TSPAN7: variants seen among roughly 807,000 people sequenced by gnomAD.
TSPAN7 encodes the protein tetraspanin 7, also known as tetraspanin-7.
In TSPAN7, 1 loss-of-function variant was observed where a neutral mutation model predicts 17.6. The ratio of observed to expected loss-of-function variants is 0.06; its 90% confidence interval spans 0.02 to 0.27. TSPAN7 has a LOEUF of 0.27. Among genes scored for constraint, TSPAN7 ranks in the 10% least tolerant of loss-of-function variants. The probability of loss-of-function intolerance (pLI) is 1.00; values close to 1 mark genes in which losing one functional copy is unlikely to be tolerated. For missense variants in TSPAN7, 112 were observed against 201.7 expected (o/e 0.56, Z 2.69); for synonymous variants, 78 against 79.0 (o/e 0.99, Z 0.07).
At chrX:38,608,322 T>C (rs995680316) in intron 1 of TSPAN7, 2 of 110,642 alleles carry the variant, frequency 1.8e-5, no homozygotes, top group African/African-American at 6.6e-5. Flanking sequence ...AATGGTGAGG[T>C]AACTGAACTG....
intron 5 of TSPAN7, among the ~76,000 whole-genome samples, chrX:38,679,218 T>A (rs2069874673): frequency 8.9e-6 from 1 of 111,977 alleles, no homozygotes; most frequent in Non-Finnish European, 1.9e-5. Flanking sequence ...CAGAAAAAAA[T>A]CTATGCCAAA....
intron 1 of TSPAN7, among the ~76,000 whole-genome samples, chrX:38,603,312 T>C (rs1244012375): frequency 8.9e-6 from 1 of 112,217 alleles, no homozygotes; most frequent in African/African-American, 3.2e-5. Flanking sequence ...CTGGTGGGAA[T>C]GTAAAATGCT....
At chrX:38,567,223 T>A (rs1467104833) in intron 1 of TSPAN7, among the ~76,000 whole-genome samples, 2 of 112,261 alleles carry the variant, frequency 1.8e-5, no homozygotes, top group African/African-American at 6.5e-5. Flanking sequence ...AAGCTGCTAA[T>A]AAAGACATAC....
chrX:38,660,322 A>C (rs1455495504), intron 1 of TSPAN7, among the ~76,000 whole-genome samples: 1 of 112,146 alleles, frequency 8.9e-6, no homozygotes, highest in Non-Finnish European at 1.9e-5. Context: ...TTCTTAAAAT[A>C]AGACCATAAC....
At chrX:38,636,812 A>T (rs1301885676) in intron 1 of TSPAN7, among the ~76,000 whole-genome samples, 1 of 110,746 alleles carries the variant, frequency 9.0e-6, no homozygotes, top group Non-Finnish European at 1.9e-5. Flanking sequence ...AGTAGCTGGG[A>T]TTACAGGCAT....
intron 1 of TSPAN7, among the ~76,000 whole-genome samples, chrX:38,622,051 G>A (rs1240042095): frequency 1.8e-5 from 2 of 112,621 alleles, no homozygotes; most frequent in African/African-American, 6.5e-5. Flanking sequence ...CTGATTTAAT[G>A]TAGTACTCTG....
At chrX:38,652,874 C>T (rs748119423) in intron 1 of TSPAN7, among the ~76,000 whole-genome samples, 22 of 112,344 alleles carry the variant, frequency 2.0e-4, no homozygotes, top group African/African-American at 6.2e-4. Context: ...ACAGCTCACT[C>T]GTAGGAAGCC....
At chrX:38,575,242 C>G (rs977988999) in intron 1 of TSPAN7, among the ~76,000 whole-genome samples, 8 of 111,293 alleles carry the variant, frequency 7.2e-5, no homozygotes, top group Admixed American at 4.8e-4. Context: ...ATGCTTTGAT[C>G]GAAGCTTTGC....
intron 1 of TSPAN7, among the ~76,000 whole-genome samples, chrX:38,638,338 C>G (rs2069593438): frequency 8.9e-6 from 1 of 112,349 alleles, no homozygotes; most frequent in African/African-American, 3.2e-5. Flanking sequence ...AAAGGTTTTT[C>G]ACACTGTGGG....
intron 1 of TSPAN7, among the ~76,000 whole-genome samples, chrX:38,644,524 A>G (rs1430812606): frequency 7.2e-5 from 8 of 111,379 alleles, no homozygotes; most frequent in Non-Finnish European, 1.5e-4. Context: ...TTCCCCAGAG[A>G]CTCTTTTACA....
intron 1 of TSPAN7, among the ~76,000 whole-genome samples, chrX:38,643,517 A>G (rs1464182433): frequency 5.5e-5 from 6 of 109,868 alleles, no homozygotes; most frequent in Non-Finnish European, 9.5e-5. Context: ...GGGACAAAGT[A>G]TAGGTTAAGG....
At chrX:38,621,159 G>A (rs2069485786) in intron 1 of TSPAN7, among the ~76,000 whole-genome samples, 1 of 112,155 alleles carries the variant, frequency 8.9e-6, no homozygotes, top group South Asian at 3.7e-4. Flanking sequence ...GATACCATAG[G>A]TTTGGAAAGA....
chrX:38,687,906 T>C, intron 7 of TSPAN7, 33 bp from the exon 8 acceptor site: 1 of 327,557 alleles, frequency 3.1e-6, no homozygotes, highest in East Asian at 4.8e-5. Context: ...TTATTACTGG[T>C]GAATCACTCA....
chrX:38,581,615 T>A (rs1222123469), intron 1 of TSPAN7, among the ~76,000 whole-genome samples: 1 of 112,054 alleles, frequency 8.9e-6, no homozygotes, highest in Non-Finnish European at 1.9e-5. Context: ...TCTATAAATA[T>A]TTCTTCTCCC....
At chrX:38,656,081 G>A in intron 1 of TSPAN7, 1 of 313,550 alleles carries the variant, frequency 3.2e-6, no homozygotes. Context: ...GATTCATTCT[G>A]TATTTATTGA....
rs1602124153 is a variant in TSPAN7, at chrX:38,675,936, G to A, written c.597+76G>A. 4.5e-6 allele frequency: 5 copies of A among 1,100,616 alleles called. No individual in the cohort carries two copies. The East Asian group carries it at 1.5e-4, about 34-fold the overall frequency. The allele number at this position is 1,100,616 out of a possible 1,213,427, so 90.7% of individuals were successfully genotyped here. On this transcript the variant is annotated intron_variant, in intron 5 of 7. Coordinates refer to ENST00000378482, the MANE Select transcript of TSPAN7 (RefSeq NM_004615.4). ...GGCTTTTTTATTTCCATGAAATTAT[G>A]ACAAATAGATTTGAAATAGTAGTCA...
intron 1 of TSPAN7, among the ~76,000 whole-genome samples, chrX:38,654,255 C>T (rs2069690237): frequency 8.9e-6 from 1 of 111,899 alleles, no homozygotes; most frequent in African/African-American, 3.3e-5. Context: ...ACAGGGCACA[C>T]AGATAGTAAG....
At chrX:38,568,051 T>C (rs2069152663) in intron 1 of TSPAN7, among the ~76,000 whole-genome samples, 2 of 112,073 alleles carry the variant, frequency 1.8e-5, no homozygotes, top group Non-Finnish European at 3.8e-5. Flanking sequence ...AATTTATCCC[T>C]GTACTTTCCC....
At chrX:38,629,728 A>T (rs1179503038) in intron 1 of TSPAN7, among the ~76,000 whole-genome samples, 8 of 111,644 alleles carry the variant, frequency 7.2e-5, no homozygotes, top group Non-Finnish European at 1.9e-5. Flanking sequence ...CATTGCATGT[A>T]TATGTAGGAC....
Sources: allele counts gnomAD v4.1 joint callset (sites outside exome capture counted in the v4.1 genomes callset), GRCh38; gene constraint gnomAD v4.1.1; transcripts MANE v1.5; gene names NCBI Gene and HGNC (gene_info 2026-07-23, HGNC 2026-07-21).